MAD2L2: variants seen among roughly 807,000 people sequenced by gnomAD.
MAD2L2 encodes the protein mitotic spindle assembly checkpoint protein MAD2B.
MAD2L2 carries 17 observed loss-of-function variants against 30.5 expected under a neutral mutation model. The observed-to-expected ratio is 0.56, with a 90% CI of 0.38 to 0.84. MAD2L2 has a LOEUF of 0.84. Among genes scored for constraint, MAD2L2 ranks in the 40% least tolerant of loss-of-function variants. The pLI is 0.00. For missense variants in MAD2L2, 213 were observed against 277.4 expected (o/e 0.77, Z 1.65); for synonymous variants, 101 against 113.9 (o/e 0.89, Z 0.72).
intron 1 of MAD2L2, among the ~76,000 whole-genome samples, chr1:11,689,117 G>A (rs1234102787): frequency 7.9e-5 from 12 of 152,120 alleles, no homozygotes; most frequent in African/African-American, 1.4e-4. Context: ...GCAACATGGC[G>A]AAACCCTGTC....
upstream of MAD2L2, chr1:11,681,387 C>T (rs749965176): frequency 5.9e-5 from 9 of 152,282 alleles, no homozygotes; most frequent in Non-Finnish European, 1.3e-4. Flanking sequence ...TGGATCGCTA[C>T]ATATCTTCCC....
intron 1 of MAD2L2, among the ~76,000 whole-genome samples, chr1:11,689,573 G>A (rs942529625): frequency 2.0e-5 from 3 of 151,984 alleles, no homozygotes; most frequent in African/African-American, 4.8e-5. Context: ...TCCAGCCTGG[G>A]TGAGAGCAAG....
Position 11,676,837 on chromosome 1 carries a change from G to A in MAD2L2, c.332+11C>T. The stretch of plus-strand genomic sequence containing the variant: ...ATGCCAGCTAGTGGGCGAGGGGCAG[G>A]GGCAGCCCACCTGATGGACAGCAGT... On this transcript the variant is annotated intron_variant, in intron 5 of 8. Transcript: ENST00000376692. 3 of 1,608,810 alleles carry A rather than the reference G, an allele frequency of 1.9e-6. No homozygotes were observed. Among genetic ancestry groups the A allele is most frequent in the South Asian group, 2.2e-5 (2 of 90,978 alleles).
upstream of MAD2L2, chr1:11,691,725 G>C (rs1345377563): frequency 7.6e-6 from 1 of 131,778 alleles, no homozygotes; most frequent in East Asian, 2.7e-4. Context: ...CGCTCAGCCC[G>C]GGCACATCCT....
intron 1 of MAD2L2, 170 bp from the exon 2 acceptor site, chr1:11,680,783 G>A: frequency 1.5e-6 from 2 of 1,349,796 alleles, no homozygotes; most frequent in Non-Finnish European, 1.9e-6. Context: ...GCTGGCGTCC[G>A]TGCTTGGGGG....
chr1:11,680,317 C>T, intron 3 of MAD2L2, 36 bp downstream of exon 3: 3 of 1,569,692 alleles, frequency 1.9e-6, no homozygotes, highest in Non-Finnish European at 2.6e-6. Flanking sequence ...AAAAGTCCAC[C>T]CTGTACCCAC....
chr1:11,689,938 G>A (rs941362155), intron 1 of MAD2L2, among the ~76,000 whole-genome samples: 2 of 151,688 alleles, frequency 1.3e-5, no homozygotes, highest in African/African-American at 2.4e-5. Context: ...GCACACTCCC[G>A]CTCCAGGACC....
At chr1:11,691,525 T>TG (rs1470293043) in exon 1 of MAD2L2, 1 of 151,690 alleles carries the variant, frequency 6.6e-6, no homozygotes, top group African/African-American at 2.4e-5. Flanking sequence ...CCTAGGCCTC[T>TG]GGGGAGCTGG....
chr1:11,680,620 G>T lies in MAD2L2; in HGVS notation c.-12-7C>A, dbSNP rs1233186920. The stretch of plus-strand genomic sequence containing the variant: ...TGGTCATCCTTCCCGCTACCTGAGT[G>T]TTGGGGCAAGGGCAGAGGGTAGTTC... On this transcript the variant is annotated splice_polypyrimidine_tract_variant and splice_region_variant and intron_variant, in intron 1 of 8. Coordinates refer to ENST00000376692, the MANE Select transcript of MAD2L2 (RefSeq NM_006341.4). The T allele has an allele frequency of 6.4e-7, 1 of 1,553,916 alleles. No homozygotes were observed.
At position 11,674,770 on chromosome 1, in the gene MAD2L2, C is replaced by T. The variant is rs918568518; in HGVS notation, c.*5G>A. The T allele has an allele frequency of 3.1e-6, 5 of 1,613,312 alleles. No homozygotes were observed. The African/African-American group carries it at 4.0e-5, about 13-fold the overall frequency. ...TTGGGCATCAGTGGGGTGGCAGGTGCCCCCTCAGCTGCCTTTATGAGCGCG... is the reference window on the plus strand; with the variant it reads ...TTGGGCATCAGTGGGGTGGCAGGTGTCCCCTCAGCTGCCTTTATGAGCGCG... On this transcript the variant is annotated 3_prime_UTR_variant, in exon 9 of 9. Transcript: ENST00000376692. The surrounding 1 kb of genome is among the most constrained non-coding windows in gnomAD (Gnocchi z 6.1).
intron 7 of MAD2L2, 82 bp from the exon 8 acceptor site, chr1:11,675,256 C>G: frequency 6.6e-6 from 6 of 903,890 alleles, no homozygotes; most frequent in Non-Finnish European, 1.0e-5. Context: ...CACTCCAGAC[C>G]AGGGGCCTCC....
intron 6 of MAD2L2, 67 bp downstream of exon 6, chr1:11,675,979 G>A: frequency 7.4e-7 from 1 of 1,355,968 alleles, no homozygotes; most frequent in Non-Finnish European, 1.1e-6. Context: ...CATGGACCTG[G>A]GAACACAGAC....
In MAD2L2 at chr1:11,687,342, C is replaced by T. The variant is rs148938182; in HGVS notation, c.-692+4071G>A. Among the ~76,000 whole-genome samples, 2,022 of 152,314 alleles carry T rather than the reference C, an allele frequency of 0.013. 16 individuals carry two copies. The highest frequency in any genetic ancestry group is 0.041 in the Middle Eastern group (12 of 294). On this transcript the variant is annotated intron_variant, in intron 1 of 10. Transcript: ENST00000235310. This position sits in a 1 kb window ranked among gnomAD's most constrained non-coding sequence, Gnocchi z 4.1. ...GAAATCTCTGCCTCCCCGATTCAAG[C>T]GATTCTCCTGCCTCAGCCTCCCGAG...
rs1182296855 is a variant in MAD2L2, at chr1:11,676,867, G to A, written c.313C>T (p.Pro105Ser). 1 of 1,613,972 alleles carries A rather than the reference G, an allele frequency of 6.2e-7. No homozygotes were observed. The highest frequency in any genetic ancestry group is 8.5e-7 in the Non-Finnish European group (1 of 1,179,928). ...VEKFVFEITQ[P>S]PLLSISSDSL... is the part of the protein sequence containing the mutation. ...GCCCACCTGATGGACAGCAGTGGAG[G>A]CTGGGTGATCTCAAAGACGAATTTC... Residue 105 changes from proline (P) to serine (S), a missense_variant, in exon 5 of 9, where the codon CCT becomes TCT. Coordinates refer to ENST00000376692, the MANE Select transcript of MAD2L2 (RefSeq NM_006341.4).
intron 3 of MAD2L2, among the ~76,000 whole-genome samples, chr1:11,677,856 G>T (rs1016731494): frequency 6.6e-6 from 1 of 151,954 alleles, no homozygotes. Flanking sequence ...TCAGGTATTC[G>T]AGACCAGCCT....
rs191046927 is a variant in MAD2L2, at chr1:11,680,153, G to A, written c.159+200C>T. 6.0e-4 allele frequency among the ~76,000 whole-genome samples: 91 copies of A among 151,776 alleles called. 1 individual carries two copies. The East Asian group carries it at 1.0e-2, about 17-fold the overall frequency. On this transcript the variant is annotated intron_variant, in intron 3 of 8. Transcript: ENST00000376692. ...TGGGATTACAGGCCTTGGCCACCAC[G>A]CCCGGCTAATTTTTGTATTTTTAGT...
At chr1:11,686,958 C>G (rs1177329027) in intron 1 of MAD2L2, among the ~76,000 whole-genome samples, 1 of 152,152 alleles carries the variant, frequency 6.6e-6, no homozygotes, top group African/African-American at 2.4e-5. Context: ...TTTCATCACT[C>G]CTGATGTCTT....
Position 11,676,282 on chromosome 1 carries a change from G to A in MAD2L2, c.333-142C>T, listed in dbSNP as rs1052887605. ...ATGCCTAGGACCCAGCTCCCTATCC[G>A]GTCCACACAATTAAACCAGCAAGGG... is the stretch of plus-strand genomic sequence containing the variant. On this transcript the variant is annotated intron_variant, in intron 5 of 8. Coordinates refer to ENST00000376692, the MANE Select transcript of MAD2L2 (RefSeq NM_006341.4). 5.5e-5 allele frequency: 33 copies of A among 600,494 alleles called. No homozygotes were observed. The East Asian group carries it at 6.1e-4, about 11-fold the overall frequency. The allele number at this position is 600,494 out of a possible 1,614,324, so 37.2% of individuals were successfully genotyped here.
At chr1:11,678,740 G>A (rs1014276540) in intron 3 of MAD2L2, among the ~76,000 whole-genome samples, 2 of 152,162 alleles carry the variant, frequency 1.3e-5, no homozygotes, top group African/African-American at 2.4e-5. Flanking sequence ...GTTTATGTTT[G>A]GATAAACCAA....
Sources: gnomAD v4.1 joint callset for allele counts (sites outside exome capture counted in the v4.1 genomes callset) on GRCh38, gnomAD v4.1.1 for gene constraint, Gnocchi (gnomAD v3.1) non-coding constraint, MANE v1.5 for transcripts, NCBI Gene and HGNC (gene_info 2026-07-23, HGNC 2026-07-21) for gene names.